SERGEF: variants seen among roughly 807,000 people sequenced by gnomAD.
The protein encoded by SERGEF is secretion regulating guanine nucleotide exchange factor.
Under a neutral mutation model 50.0 loss-of-function variants are expected in SERGEF, and 51 were observed. The ratio of observed to expected loss-of-function variants is 1.02; its 90% confidence interval spans 0.81 to 1.29. The LOEUF is 1.29. Ranked by LOEUF, SERGEF falls within the 50% of genes most tolerant of loss-of-function variation. The pLI, the probability that SERGEF is intolerant of heterozygous loss-of-function variation, is 0.00. For synonymous variants in SERGEF, 205 were observed against 212.4 expected (o/e 0.97, Z 0.30); for missense variants, 521 against 557.0 (o/e 0.94, Z 0.65).
chr11:17,931,518 C>A lies in SERGEF; in HGVS notation c.1011+27952G>T, dbSNP rs143419148. Reference sequence around the variant, plus strand: ...TGCCATTTAATATGTCCTACCCATTCTTCTTAGGGCTGGAGAACCACAGTA... The same window carrying A: ...TGCCATTTAATATGTCCTACCCATTATTCTTAGGGCTGGAGAACCACAGTA... On this transcript the variant is annotated intron_variant, in intron 9 of 10. Transcript: ENST00000265965. 4.7e-3 allele frequency among the ~76,000 whole-genome samples: 712 copies of A among 152,264 alleles called. 3 individuals are homozygous for A. The highest frequency in any genetic ancestry group is 0.022 in the South Asian group (105 of 4,832).
Position 17,884,698 on chromosome 11 carries a change from A to G in SERGEF, c.1012-6454T>C, listed in dbSNP as rs1427291277. Among the ~76,000 whole-genome samples the G allele has an allele frequency of 1.3e-5, 2 of 152,034 alleles. No individual in the cohort carries two copies. The highest frequency in any genetic ancestry group is 4.8e-5 in the African/African-American group (2 of 41,390). ...ATCTTTAACTCTCTCTGTGGGCTTG[A>G]ATTTGTATTTTATTTCATATATATG... On this transcript the variant is annotated intron_variant, in intron 9 of 10. Coordinates refer to ENST00000265965, the MANE Select transcript of SERGEF (RefSeq NM_012139.4). The surrounding 1 kb of genome is among the most constrained non-coding windows in gnomAD (Gnocchi z 4.6).
chr11:17,905,888 G>A (rs553064402), intron 9 of SERGEF, among the ~76,000 whole-genome samples: 1 of 152,294 alleles, frequency 6.6e-6, no homozygotes, highest in East Asian at 1.9e-4. Flanking sequence ...GTCTCAGTCA[G>A]CCTCGAAATT....
chr11:17,953,087 C>T (rs1590215592), intron 9 of SERGEF, among the ~76,000 whole-genome samples: 1 of 137,514 alleles, frequency 7.3e-6, no homozygotes, highest in East Asian at 2.1e-4. Flanking sequence ...CCCCACCCAG[C>T]AGAACCCAGC....
rs1479206458 is a variant in SERGEF at position 17,888,736 on chromosome 11, A to G, written c.1012-10492T>C. Reference sequence around the variant, plus strand: ...CAGCACTGACACCCCAGCAGCAATGAGTTTACTTGGTGCACAGACCCTGGC... The same window carrying G: ...CAGCACTGACACCCCAGCAGCAATGGGTTTACTTGGTGCACAGACCCTGGC... On this transcript the variant is annotated intron_variant, in intron 9 of 10. Coordinates refer to ENST00000265965, the MANE Select transcript of SERGEF (RefSeq NM_012139.4). The surrounding 1 kb of genome is among the most constrained non-coding windows in gnomAD (Gnocchi z 4.1). 6.6e-6 allele frequency among the ~76,000 whole-genome samples: 1 copy of G among 152,036 alleles called. No homozygotes were observed. The highest frequency in any genetic ancestry group is 1.5e-5 in the Non-Finnish European group (1 of 68,018).
intron 10 of SERGEF, among the ~76,000 whole-genome samples, chr11:17,837,451 G>A (rs1315625758): frequency 2.0e-5 from 3 of 151,524 alleles, no homozygotes; most frequent in Middle Eastern, 3.4e-3. Flanking sequence ...CACTCTATTA[G>A]TTCCTGGGAG....
In SERGEF at chr11:17,995,909, G is replaced by C. The variant is rs150637785; in HGVS notation, c.509C>G (p.Ala170Gly). The C allele has an allele frequency of 1.2e-6, 2 of 1,608,484 alleles. No homozygotes were observed. Among genetic ancestry groups the C allele is most frequent in the African/African-American group, 1.3e-5 (1 of 74,872 alleles). ...AGLRHAVAAT[A>G]SGIVFQWGTG... is the part of the protein sequence containing the mutation. ...CCCCCACTGGAACACGATGCCACTC[G>C]CTTCCCAACAGAATGGAAGAGAAAG... is the stretch of plus-strand genomic sequence containing the variant. Residue 170 changes from alanine to glycine, a missense_variant and splice_region_variant, in exon 6 of 11, where the codon GCG becomes GGG. Ala to Gly is a moderately conservative substitution (Grantham distance 60). Transcript: ENST00000265965.
intron 9 of SERGEF, among the ~76,000 whole-genome samples, chr11:17,889,378 C>T (rs1213206219): frequency 4.6e-5 from 7 of 152,134 alleles, no homozygotes; most frequent in Non-Finnish European, 1.0e-4. Context: ...ATATGATGCA[C>T]TAAAGACAGA....
intron 9 of SERGEF, among the ~76,000 whole-genome samples, chr11:17,899,967 A>G (rs987160444): frequency 1.3e-5 from 2 of 151,798 alleles, no homozygotes. Flanking sequence ...AAAAAAAAAA[A>G]CTAAATAAAA....
intron 9 of SERGEF, among the ~76,000 whole-genome samples, chr11:17,952,476 CCTCT>C (rs1852790126): frequency 6.6e-6 from 1 of 152,070 alleles, no homozygotes; most frequent in South Asian, 2.1e-4. Flanking sequence ...TGACCTCAAT[CCTCT>C]CTCTCATCTT....
intron 10 of SERGEF, among the ~76,000 whole-genome samples, chr11:17,814,887 A>T (rs1849937396): frequency 6.6e-6 from 1 of 152,168 alleles, no homozygotes; most frequent in Non-Finnish European, 1.5e-5. Context: ...CTTTTACAAA[A>T]CATAGTCTTC....
intron 9 of SERGEF, among the ~76,000 whole-genome samples, chr11:17,886,180 T>TA (rs1283963813): frequency 6.6e-6 from 1 of 152,202 alleles, no homozygotes; most frequent in African/African-American, 2.4e-5. Context: ...TCACGCATCC[T>TA]AACCTCTGCT....
At chr11:17,844,774 C>G (rs949566220) in intron 10 of SERGEF, among the ~76,000 whole-genome samples, 1 of 152,122 alleles carries the variant, frequency 6.6e-6, no homozygotes, top group Non-Finnish European at 1.5e-5. Context: ...ATGTAGAAGA[C>G]AGACATGGGC....
intron 8 of SERGEF, among the ~76,000 whole-genome samples, chr11:17,960,749 A>T (rs1270033314): frequency 6.6e-6 from 1 of 152,190 alleles, no homozygotes; most frequent in Non-Finnish European, 1.5e-5. Context: ...CTCTGCAGGG[A>T]AACAGTTCTC....
In SERGEF at chr11:17,856,987, T is replaced by C. The variant is rs1185032264; in HGVS notation, c.1048+21221A>G. Among the ~76,000 whole-genome samples the C allele has an allele frequency of 3.3e-5, 5 of 152,220 alleles. No homozygotes were observed. The East Asian group carries it at 9.6e-4, about 29-fold the overall frequency. On this transcript the variant is annotated intron_variant, in intron 10 of 10. Coordinates refer to ENST00000265965, the MANE Select transcript of SERGEF (RefSeq NM_012139.4). ...GTCTAAACAGGTCTACAATTTGGCA[T>C]AGCACTGGTTTGGTACAAACCTATG...
At chr11:17,817,438 G>A (rs931730073) in intron 10 of SERGEF, among the ~76,000 whole-genome samples, 3 of 151,834 alleles carry the variant, frequency 2.0e-5, no homozygotes, top group African/African-American at 7.3e-5. Flanking sequence ...GGATGGTGTC[G>A]ATCCCCTGAC....
chr11:17,903,758 AGATAAATATG>A (rs1317218688), intron 9 of SERGEF, among the ~76,000 whole-genome samples: 12 of 152,250 alleles, frequency 7.9e-5, no homozygotes, highest in African/African-American at 2.9e-4. Context: ...ATCATTGAAC[AGATAAATATG>A]GAAGGAAGGA....
At chr11:17,872,976 C>T (rs1851172006) in intron 10 of SERGEF, among the ~76,000 whole-genome samples, 1 of 152,104 alleles carries the variant, frequency 6.6e-6, no homozygotes, top group African/African-American at 2.4e-5. Context: ...TAGAAGGATA[C>T]AGAAGAAACT....
chr11:17,952,810 A>G (rs947239369), intron 9 of SERGEF, among the ~76,000 whole-genome samples: 22 of 151,638 alleles, frequency 1.5e-4, no homozygotes, highest in African/African-American at 5.1e-4. Flanking sequence ...CAGTCACCAA[A>G]TCCAGTAGTC....
intron 8 of SERGEF, among the ~76,000 whole-genome samples, chr11:17,972,757 T>C (rs1206345674): frequency 1.3e-5 from 2 of 152,104 alleles, no homozygotes; most frequent in Non-Finnish European, 2.9e-5. Flanking sequence ...CTAATTATCA[T>C]GGGCTTCCTG....
Sources: allele counts gnomAD v4.1 joint callset (sites outside exome capture counted in the v4.1 genomes callset), GRCh38; gene constraint gnomAD v4.1.1; non-coding constraint Gnocchi (gnomAD v3.1); transcripts MANE v1.5; gene names NCBI Gene and HGNC (gene_info 2026-07-23, HGNC 2026-07-21).